The following DYNLL1 variants were observed in gnomAD, a reference collection of about 807,000 sequenced individuals.
DYNLL1 encodes dynein light chain 1, cytoplasmic.
Under a neutral mutation model 10.1 loss-of-function variants are expected in DYNLL1, and 3 were observed. That is an observed-to-expected ratio of 0.30 (90% CI 0.14 to 0.77). The LOEUF (loss-of-function observed/expected upper bound fraction) is 0.77. Ranked by LOEUF, DYNLL1 falls within the 30% of genes least tolerant of loss-of-function variation. The probability of loss-of-function intolerance (pLI) is 0.66; values close to 1 mark genes in which losing one functional copy is unlikely to be tolerated. For missense variants in DYNLL1, 47 were observed against 111.7 expected, an observed-to-expected ratio of 0.42 and a Z score of 2.61; for synonymous variants, 46 against 41.2, an observed-to-expected ratio of 1.12 and a Z score of -0.45.
chr12:120,475,723 T>TA (rs1424998170), intron 1 of DYNLL1, among the ~76,000 whole-genome samples: 1 of 152,090 alleles, frequency 6.6e-6, no homozygotes, highest in Non-Finnish European at 1.5e-5. Context: ...GTGGCTACCA[T>TA]ACAGGACAGC....
upstream of DYNLL1, among the ~76,000 whole-genome samples, chr12:120,493,652 C>T (rs1387009023): frequency 6.6e-6 from 1 of 151,192 alleles, no homozygotes; most frequent in African/African-American, 2.4e-5. Flanking sequence ...CGCTCTGTCT[C>T]CCAGGCTGGA....
At position 120,496,235 on chromosome 12, in the gene DYNLL1, CA is replaced by C. The variant is rs1868390767; in HGVS notation, c.-7+20del. On this transcript the variant is annotated intron_variant, in intron 1 of 2. Coordinates refer to ENST00000242577, the MANE Select transcript of DYNLL1 (RefSeq NM_003746.3). The stretch of plus-strand genomic sequence containing the variant: ...CTCCACGGTGAGAAACTCGGGGGGC[CA>C]GGGGGTGTCCTCGCTGCCTTATTTC... 11 of 852,856 alleles carry C rather than the reference CA, an allele frequency of 1.3e-5. No individual in the cohort carries two copies. Among genetic ancestry groups the C allele is most frequent in the Non-Finnish European group, 2.0e-5 (11 of 554,602 alleles). 52.8% of individuals were successfully genotyped at this position (852,856 alleles called of 1,614,324 possible).
At chr12:120,491,715 G>C (rs1879135432), upstream of DYNLL1, 2 of 152,260 alleles carry the variant, frequency 1.3e-5, no homozygotes, top group Non-Finnish European at 2.9e-5. Context: ...TAACAACTCT[G>C]AAGGGCTTTC....
At chr12:120,485,179 T>G (rs1878964430) in intron 1 of DYNLL1, among the ~76,000 whole-genome samples, 1 of 151,294 alleles carries the variant, frequency 6.6e-6, no homozygotes, top group Non-Finnish European at 1.5e-5. Flanking sequence ...ATTGCACCAC[T>G]GTACTCCAGC....
chr12:120,489,803 A>C (rs1350352154), intron 1 of DYNLL1, among the ~76,000 whole-genome samples: 1 of 152,190 alleles, frequency 6.6e-6, no homozygotes, highest in Non-Finnish European at 1.5e-5. Context: ...ACTGGAGTGC[A>C]GTGGCGCGAT....
chr12:120,477,579 G>A (rs1201357266), intron 1 of DYNLL1, among the ~76,000 whole-genome samples: 1 of 151,530 alleles, frequency 6.6e-6, no homozygotes, highest in Non-Finnish European at 1.5e-5. Flanking sequence ...AGTAGATCCC[G>A]TCTCTACAAA....
chr12:120,487,316 G>A (rs757155443), intron 1 of DYNLL1, among the ~76,000 whole-genome samples: 19 of 86,644 alleles, frequency 2.2e-4, no homozygotes, highest in Non-Finnish European at 3.1e-4. Flanking sequence ...TTTTTGAGAC[G>A]GACTCTTGCT....
intron 1 of DYNLL1, among the ~76,000 whole-genome samples, chr12:120,470,439 G>T (rs891049607): frequency 6.6e-6 from 1 of 152,036 alleles, no homozygotes; most frequent in Non-Finnish European, 1.5e-5. Flanking sequence ...TGAACCCAGG[G>T]ACCTTACAGT....
At chr12:120,470,861 A>T (rs979007248) in intron 1 of DYNLL1, among the ~76,000 whole-genome samples, 2 of 152,136 alleles carry the variant, frequency 1.3e-5, no homozygotes, top group Non-Finnish European at 2.9e-5. Flanking sequence ...CCTGGGCAAC[A>T]TGGGGAAACC....
At chr12:120,470,695 C>T (rs1363035220) in intron 1 of DYNLL1, among the ~76,000 whole-genome samples, 1 of 152,122 alleles carries the variant, frequency 6.6e-6, no homozygotes, top group East Asian at 1.9e-4. Context: ...CCTTGGCCTC[C>T]CAAAGTGTTG....
chr12:120,493,262 G>A (rs1329180347), upstream of DYNLL1, among the ~76,000 whole-genome samples: 1 of 152,184 alleles, frequency 6.6e-6, no homozygotes, highest in African/African-American at 2.4e-5. Context: ...ATTAGGCCGG[G>A]TGCGATGGCT....
intron 1 of DYNLL1, 61 bp downstream of exon 1, chr12:120,496,277 T>G (rs559192703): frequency 1.5e-6 from 2 of 1,304,696 alleles, no homozygotes; most frequent in African/African-American, 2.9e-5. Context: ...ACTCCGGACT[T>G]AGCCCTCCGC....
rs1318840779 is a variant in DYNLL1 at position 120,481,229 on chromosome 12, C to T, written c.-7+11125C>T. 5.3e-5 allele frequency among the ~76,000 whole-genome samples: 8 copies of T among 152,236 alleles called. No homozygotes were observed. The South Asian group carries it at 1.2e-3, about 24-fold the overall frequency. On this transcript the variant is annotated intron_variant, in intron 1 of 2. Coordinates refer to the DYNLL1 transcript ENST00000392509. ...CGGTCTTTATCTCTGGCACCAGATA[C>T]GTGTCATTTTTCCACATCAATTGTT...
chr12:120,493,434 G>T (rs903443158), upstream of DYNLL1, among the ~76,000 whole-genome samples: 1 of 151,734 alleles, frequency 6.6e-6, no homozygotes, highest in Non-Finnish European at 1.5e-5. Flanking sequence ...TACTCAGGAG[G>T]CCAAGGCAGA....
exon 1 of DYNLL1, chr12:120,469,888 C>CA: frequency 4.3e-6 from 1 of 230,980 alleles, no homozygotes; most frequent in Admixed American, 5.7e-5. Flanking sequence ...GTGTGGATGC[C>CA]ATCCCCGAGC....
intron 1 of DYNLL1, among the ~76,000 whole-genome samples, chr12:120,476,324 G>GT (rs1555220985): frequency 7.0e-6 from 1 of 143,880 alleles, no homozygotes; most frequent in South Asian, 2.2e-4. Context: ...TTTTTTTTAA[G>GT]TTAAAAAAAA....
intron 1 of DYNLL1, among the ~76,000 whole-genome samples, chr12:120,471,543 T>C (rs1188690329): frequency 2.0e-5 from 3 of 152,192 alleles, no homozygotes; most frequent in Non-Finnish European, 4.4e-5. Context: ...GGAATACAAG[T>C]TGATAGTATA....
At chr12:120,492,011 G>A (rs1269745181), upstream of DYNLL1, 1 of 152,060 alleles carries the variant, frequency 6.6e-6, no homozygotes, top group Non-Finnish European at 1.5e-5. The surrounding 1 kb of genome is among the most constrained non-coding windows in gnomAD (Gnocchi z 4.1). Context: ...CTACCATGTG[G>A]GACTGTAGAG....
At chr12:120,487,942 C>T (rs1182956105) in intron 1 of DYNLL1, among the ~76,000 whole-genome samples, 2 of 152,088 alleles carry the variant, frequency 1.3e-5, no homozygotes, top group Non-Finnish European at 2.9e-5. Flanking sequence ...TTTTCTTCTC[C>T]CTATGTTGAG....
Sources: gnomAD v4.1 joint callset for allele counts (sites outside exome capture counted in the v4.1 genomes callset) on GRCh38, gnomAD v4.1.1 for gene constraint, Gnocchi (gnomAD v3.1) non-coding constraint, MANE v1.5 for transcripts, NCBI Gene and HGNC (gene_info 2026-07-23, HGNC 2026-07-21) for gene names.